ARHGAP15: variants seen among roughly 807,000 people sequenced by gnomAD.
ARHGAP15 encodes the protein rho GTPase-activating protein 15.
A neutral mutation model predicts 63.7 loss-of-function variants in ARHGAP15; 51 were observed. The observed-to-expected ratio is 0.80, with a 90% CI of 0.64 to 1.01. ARHGAP15 has a LOEUF of 1.01. Ranked by LOEUF, ARHGAP15 falls within the 50% of genes least tolerant of loss-of-function variation. ARHGAP15 has a pLI of 0.00. For missense variants in ARHGAP15, 560 were observed against 564.6 expected, an observed-to-expected ratio of 0.99 and a Z score of 0.08; for synonymous variants, 191 against 193.8, an observed-to-expected ratio of 0.99 and a Z score of 0.12.
intron 1 of ARHGAP15, among the ~76,000 whole-genome samples, chr2:143,145,855 TGTGTG>T (rs1689564451): frequency 6.6e-6 from 1 of 150,526 alleles, no homozygotes; most frequent in East Asian, 2.0e-4. Flanking sequence ...TGTGTGTGTG[TGTGTG>T]TGTGTGTGTG....
At chr2:143,172,112 T>G (rs995898420) in intron 2 of ARHGAP15, 1 of 152,124 alleles carries the variant, frequency 6.6e-6, no homozygotes, top group South Asian at 2.1e-4. Context: ...CTCTTTTAAA[T>G]AGCTTCCATG....
At chr2:143,592,087 C>T (rs1246339797) in intron 11 of ARHGAP15, among the ~76,000 whole-genome samples, 1 of 152,116 alleles carries the variant, frequency 6.6e-6, no homozygotes, top group Non-Finnish European at 1.5e-5. Flanking sequence ...GAATGACAGT[C>T]AAATGCCATT....
intron 3 of ARHGAP15, among the ~76,000 whole-genome samples, chr2:143,214,341 A>T (rs552005851): frequency 2.0e-5 from 3 of 152,190 alleles, no homozygotes; most frequent in Non-Finnish European, 4.4e-5. Flanking sequence ...TTCCTAAAGA[A>T]AGGAACCTCC....
chr2:143,464,990 T>C (rs1441376587), intron 8 of ARHGAP15, among the ~76,000 whole-genome samples: 1 of 152,164 alleles, frequency 6.6e-6, no homozygotes, highest in Non-Finnish European at 1.5e-5. Flanking sequence ...TTTAAAATAG[T>C]TCCTCACATG....
intron 3 of ARHGAP15, 31 bp downstream of exon 3, chr2:143,202,233 T>A: frequency 6.5e-7 from 1 of 1,546,556 alleles, no homozygotes; most frequent in South Asian, 1.1e-5. Flanking sequence ...ATTCTTCATC[T>A]ACTGATACAA....
chr2:143,756,967 A>G lies in ARHGAP15; in HGVS notation c.1245-11022A>G, dbSNP rs371947987. On this transcript the variant is annotated intron_variant, in intron 13 of 13. Coordinates refer to ENST00000295095, the MANE Select transcript of ARHGAP15 (RefSeq NM_018460.4). ...GTCAAATTCAAAATTCTTGGATCTT[A>G]GCTACTTGCAGAAAATACATTTATA... 2.6e-5 allele frequency among the ~76,000 whole-genome samples: 4 copies of G among 151,910 alleles called. No homozygotes were observed. In the East Asian group the frequency reaches 7.7e-4, roughly 29 times the overall value.
chr2:143,689,246 C>T (rs546202319), intron 12 of ARHGAP15, among the ~76,000 whole-genome samples: 1 of 152,220 alleles, frequency 6.6e-6, no homozygotes, highest in East Asian at 1.9e-4. Flanking sequence ...TTAGTTTTCA[C>T]ACTGTCCTTC....
intron 6 of ARHGAP15, among the ~76,000 whole-genome samples, chr2:143,370,869 T>C (rs1279623599): frequency 6.6e-6 from 1 of 152,226 alleles, no homozygotes; most frequent in Non-Finnish European, 1.5e-5. Context: ...AAAAGTTTAA[T>C]GTTTAGTTTT....
intron 9 of ARHGAP15, among the ~76,000 whole-genome samples, chr2:143,497,967 A>T (rs1260676677): frequency 6.6e-6 from 1 of 152,080 alleles, no homozygotes; most frequent in Non-Finnish European, 1.5e-5. Context: ...CTCATTAGGG[A>T]CCCCATTCAG....
At chr2:143,330,232 T>C (rs1442636144) in intron 6 of ARHGAP15, among the ~76,000 whole-genome samples, 2 of 149,616 alleles carry the variant, frequency 1.3e-5, no homozygotes, top group African/African-American at 2.5e-5. Flanking sequence ...GACAGAAGAG[T>C]TTAAGTGAAA....
At chr2:143,576,294 G>T (rs2105133146) in intron 11 of ARHGAP15, among the ~76,000 whole-genome samples, 1 of 152,182 alleles carries the variant, frequency 6.6e-6, no homozygotes. Flanking sequence ...AGGCAGGAAA[G>T]ACAAATAATT....
At chr2:143,606,594 T>C (rs144260648) in intron 11 of ARHGAP15, among the ~76,000 whole-genome samples, 1 of 152,306 alleles carries the variant, frequency 6.6e-6, no homozygotes, top group African/African-American at 2.4e-5. Context: ...CAATCCTTAT[T>C]TCAACCACTG....
intron 13 of ARHGAP15, among the ~76,000 whole-genome samples, chr2:143,732,971 C>T (rs1395817452): frequency 7.1e-6 from 1 of 139,900 alleles, no homozygotes. Context: ...CCATCACTGA[C>T]ACACAATTAT....
chr2:143,222,384 A>AT (rs1376928061), intron 4 of ARHGAP15, among the ~76,000 whole-genome samples: 3 of 152,210 alleles, frequency 2.0e-5, no homozygotes, highest in Non-Finnish European at 4.4e-5. Context: ...AACCTCACAT[A>AT]TATTTTCTTC....
At chr2:143,537,007 C>G (rs1204040012) in intron 10 of ARHGAP15, among the ~76,000 whole-genome samples, 9 of 151,960 alleles carry the variant, frequency 5.9e-5, no homozygotes, top group Admixed American at 1.3e-4. Context: ...AAAAGTGTTC[C>G]TATTTCTCCA....
At chr2:143,695,930 G>A (rs1386512369) in intron 12 of ARHGAP15, among the ~76,000 whole-genome samples, 1 of 151,702 alleles carries the variant, frequency 6.6e-6, no homozygotes, top group East Asian at 1.9e-4. Context: ...CCCAATGTGA[G>A]ATCATAGTGC....
At chr2:143,250,411 C>G (rs778961085) in intron 5 of ARHGAP15, 100 bp from the exon 6 acceptor site, 86 of 852,388 alleles carry the variant, frequency 1.0e-4, no homozygotes, top group Non-Finnish European at 1.4e-4. Context: ...GGCATTATAT[C>G]ATAAATATGT....
intron 3 of ARHGAP15, 36 bp from the exon 4 acceptor site, chr2:143,216,348 T>C (rs776479285): frequency 6.9e-5 from 105 of 1,520,808 alleles, no homozygotes; most frequent in Non-Finnish European, 9.3e-5. Context: ...TGCATAGTAG[T>C]TTGTCACGGT....
chr2:143,662,587 G>A (rs1293385205), intron 12 of ARHGAP15, among the ~76,000 whole-genome samples: 3 of 120,978 alleles, frequency 2.5e-5, no homozygotes, highest in African/African-American at 5.3e-5. Flanking sequence ...CGAGCCGAGA[G>A]AAGAAGGCTT....
Sources: allele counts gnomAD v4.1 joint callset (sites outside exome capture counted in the v4.1 genomes callset), GRCh38; gene constraint gnomAD v4.1.1; transcripts MANE v1.5; gene names NCBI Gene and HGNC (gene_info 2026-07-23, HGNC 2026-07-21).